AGBL4: variants seen among roughly 807,000 people sequenced by gnomAD.
The protein encoded by AGBL4 is AGBL carboxypeptidase 4.
A neutral mutation model predicts 66.4 loss-of-function variants in AGBL4; 58 were observed. The observed-to-expected ratio is 0.87, with a 90% CI of 0.71 to 1.09. The LOEUF (loss-of-function observed/expected upper bound fraction) is 1.09, where lower values mean the gene tolerates loss of function less well. Ranked by LOEUF, AGBL4 falls within the 50% of genes least tolerant of loss-of-function variation. AGBL4 has a pLI of 0.00. For synonymous variants in AGBL4, 234 were observed against 222.9 expected (o/e 1.05, Z -0.44); for missense variants, 579 against 631.0 (o/e 0.92, Z 0.88).
chr1:49,782,981 C>T (rs888209117), intron 2 of AGBL4, among the ~76,000 whole-genome samples: 1 of 151,610 alleles, frequency 6.6e-6, no homozygotes, highest in African/African-American at 2.4e-5. Flanking sequence ...AGACAGTGCC[C>T]TTATATAAGA....
chr1:49,939,255 A>C (rs1654474950), intron 1 of AGBL4, among the ~76,000 whole-genome samples: 1 of 150,256 alleles, frequency 6.7e-6, no homozygotes, highest in Admixed American at 6.6e-5. Context: ...AAGAATCAAT[A>C]TCGTGAAAAT....
chr1:49,161,717 C>G (rs1329483201), intron 4 of AGBL4, among the ~76,000 whole-genome samples: 1 of 152,046 alleles, frequency 6.6e-6, no homozygotes, highest in African/African-American at 2.4e-5. Context: ...TGTAACTCAC[C>G]CAAGATTCTG....
intron 2 of AGBL4, among the ~76,000 whole-genome samples, chr1:49,789,065 T>C (rs1644529092): frequency 6.6e-6 from 1 of 152,216 alleles, no homozygotes; most frequent in Admixed American, 6.5e-5. Context: ...GTGTTGAATT[T>C]TATCAAAGGC....
At chr1:49,831,667 G>A (rs1645683903) in intron 2 of AGBL4, among the ~76,000 whole-genome samples, 1 of 152,160 alleles carries the variant, frequency 6.6e-6, no homozygotes, top group Non-Finnish European at 1.5e-5. Flanking sequence ...AGTGGTGAGA[G>A]AAGGCATCCT....
chr1:48,628,970 C>CA (rs2148407403), intron 9 of AGBL4, among the ~76,000 whole-genome samples: 1 of 19,980 alleles, frequency 5.0e-5, no homozygotes, highest in African/African-American at 1.8e-4. Context: ...CTTCTCCCGA[C>CA]TGGGACTCTG....
At chr1:48,777,256 C>A (rs879769073) in intron 6 of AGBL4, among the ~76,000 whole-genome samples, 1 of 152,144 alleles carries the variant, frequency 6.6e-6, no homozygotes, top group Non-Finnish European at 1.5e-5. Context: ...ATTGCTTCAA[C>A]AATCGCGCTG....
intron 5 of AGBL4, among the ~76,000 whole-genome samples, chr1:48,989,422 A>G (rs1451161739): frequency 6.6e-6 from 1 of 152,096 alleles, no homozygotes; most frequent in Non-Finnish European, 1.5e-5. Flanking sequence ...TTAAATTATT[A>G]TTAACTATAG....
intron 1 of AGBL4, among the ~76,000 whole-genome samples, chr1:49,900,784 G>A (rs1322248007): frequency 2.6e-5 from 4 of 152,280 alleles, no homozygotes; most frequent in South Asian, 2.1e-4. Flanking sequence ...ACATTCTATC[G>A]CAGAGACACT....
chr1:48,634,398 A>G, intron 9 of AGBL4, 95 bp downstream of exon 9: 1 of 1,020,568 alleles, frequency 9.8e-7, no homozygotes, highest in South Asian at 1.6e-5. Flanking sequence ...ATGTATTCCT[A>G]ATTTGCAGCT....
intron 2 of AGBL4, among the ~76,000 whole-genome samples, chr1:49,767,559 G>A (rs1339019048): frequency 6.6e-6 from 1 of 151,372 alleles, no homozygotes; most frequent in Non-Finnish European, 1.5e-5. Flanking sequence ...AAAATGAAAA[G>A]AAGAAACAAC....
At chr1:49,450,866 C>A (rs1436864238) in intron 3 of AGBL4, among the ~76,000 whole-genome samples, 1 of 152,008 alleles carries the variant, frequency 6.6e-6, no homozygotes, top group East Asian at 1.9e-4. Flanking sequence ...CATCTGTATT[C>A]GTTTTCCATT....
chr1:49,816,550 T>A (rs896238265), intron 2 of AGBL4, among the ~76,000 whole-genome samples: 4 of 152,146 alleles, frequency 2.6e-5, no homozygotes, highest in African/African-American at 4.8e-5. Context: ...CAGCCCAGAT[T>A]CATATCTAGA....
intron 4 of AGBL4, among the ~76,000 whole-genome samples, chr1:49,054,600 G>T (rs1407799459): frequency 6.6e-6 from 1 of 151,856 alleles, no homozygotes; most frequent in African/African-American, 2.4e-5. Flanking sequence ...ATCCAAACAA[G>T]CTTCTATTTT....
intron 11 of AGBL4, among the ~76,000 whole-genome samples, chr1:48,545,626 C>G (rs781099505): frequency 1.3e-5 from 2 of 152,168 alleles, no homozygotes; most frequent in Non-Finnish European, 2.9e-5. Flanking sequence ...TTAAAATTCT[C>G]ATCATTTTCA....
intron 3 of AGBL4, among the ~76,000 whole-genome samples, chr1:49,299,959 C>T (rs1644713560): frequency 1.3e-5 from 2 of 152,040 alleles, no homozygotes; most frequent in African/African-American, 4.8e-5. Context: ...GAATAAATCC[C>T]AATGTATAAT....
At chr1:49,393,682 T>C (rs1188756607) in intron 3 of AGBL4, among the ~76,000 whole-genome samples, 1 of 152,208 alleles carries the variant, frequency 6.6e-6, no homozygotes, top group African/African-American at 2.4e-5. Flanking sequence ...AGGTGATTTC[T>C]GAGTTAAGTT....
rs1646228330 is a variant in AGBL4 at position 49,146,856 on chromosome 1, C to G, written c.377+98914G>C. ...TCATCATTACAGCCAACCCAAACAT[C>G]TGATTATGAAGGCACAGCCTGGTAG... On this transcript the variant is annotated intron_variant, in intron 4 of 13. Transcript: ENST00000371839. Among the ~76,000 whole-genome samples, 2 of 152,242 alleles carry G rather than the reference C, an allele frequency of 1.3e-5. 1 individual carries two copies. The highest frequency in any genetic ancestry group is 2.9e-5 in the Non-Finnish European group (2 of 68,044).
intron 3 of AGBL4, among the ~76,000 whole-genome samples, chr1:49,605,623 T>G (rs770063801): frequency 3.3e-5 from 5 of 152,198 alleles, no homozygotes; most frequent in Non-Finnish European, 7.4e-5. Context: ...GTTAACTCCC[T>G]TTTAAAAGTC....
At chr1:48,695,690 A>G (rs1036432300) in intron 6 of AGBL4, among the ~76,000 whole-genome samples, 6 of 152,156 alleles carry the variant, frequency 3.9e-5, no homozygotes, top group African/African-American at 1.2e-4. Flanking sequence ...GAGTTTGAAC[A>G]CTGGCCTCAG....
Sources: gnomAD v4.1 joint callset for allele counts (sites outside exome capture counted in the v4.1 genomes callset) on GRCh38, gnomAD v4.1.1 for gene constraint, MANE v1.5 for transcripts, NCBI Gene and HGNC (gene_info 2026-07-23, HGNC 2026-07-21) for gene names.